Variants in MEI4 observed in about 807,000 individuals in gnomAD.
MEI4 encodes the protein meiotic double-stranded break formation protein 4.
A neutral mutation model predicts 31.4 loss-of-function variants in MEI4; 27 were observed. The observed-to-expected ratio is 0.86, with a 90% CI of 0.63 to 1.19. The LOEUF (loss-of-function observed/expected upper bound fraction) is 1.19, where lower values mean the gene tolerates loss of function less well. Ranked by LOEUF, MEI4 falls within the 50% of genes most tolerant of loss-of-function variation. The pLI is 0.00. For missense variants in MEI4, 329 were observed against 398.9 expected (o/e 0.82, Z 1.49); for synonymous variants, 122 against 145.4 (o/e 0.84, Z 1.16).
intron 2 of MEI4, among the ~76,000 whole-genome samples, chr6:77,717,080 T>C (rs570926277): frequency 2.9e-5 from 4 of 138,144 alleles, no homozygotes; most frequent in African/African-American, 8.1e-5. Context: ...GTTCAGCATA[T>C]GGAGGATCCC....
intron 4 of MEI4, among the ~76,000 whole-genome samples, chr6:77,858,497 G>GT (rs999190512): frequency 1.6e-4 from 24 of 151,932 alleles, no homozygotes; most frequent in African/African-American, 4.8e-4. Context: ...AGCAATTGGA[G>GT]TTTTTTTTCT....
intron 2 of MEI4, among the ~76,000 whole-genome samples, chr6:77,738,031 G>T (rs892458931): frequency 6.6e-6 from 1 of 152,194 alleles, no homozygotes; most frequent in Admixed American, 6.5e-5. Flanking sequence ...CTGCCTAAAA[G>T]AATTCTTTGA....
At chr6:77,831,061 A>C (rs1392780358) in intron 4 of MEI4, among the ~76,000 whole-genome samples, 2 of 151,990 alleles carry the variant, frequency 1.3e-5, no homozygotes. Flanking sequence ...AATACCAAGA[A>C]AACAAACAAT....
At chr6:77,665,866 G>T (rs1394906090) in intron 1 of MEI4, among the ~76,000 whole-genome samples, 1 of 152,208 alleles carries the variant, frequency 6.6e-6, no homozygotes, top group East Asian at 1.9e-4. Context: ...TTTAAAATTG[G>T]TGAGATGTTC....
At chr6:77,834,372 A>T (rs1048122732) in intron 4 of MEI4, among the ~76,000 whole-genome samples, 1 of 147,916 alleles carries the variant, frequency 6.8e-6, no homozygotes, top group African/African-American at 2.4e-5. Flanking sequence ...AGTTCATTTC[A>T]TATTATATAT....
chr6:77,883,175 C>CT (rs1339481162), intron 4 of MEI4, among the ~76,000 whole-genome samples: 1 of 151,736 alleles, frequency 6.6e-6, no homozygotes, highest in African/African-American at 2.4e-5. Context: ...TTAGTAGTGT[C>CT]TTTTTTAATG....
intron 2 of MEI4, among the ~76,000 whole-genome samples, chr6:77,726,478 A>G (rs1200824374): frequency 1.3e-5 from 2 of 152,194 alleles, no homozygotes; most frequent in African/African-American, 4.8e-5. Context: ...AAGAGACAGC[A>G]TGTGAACAAG....
chr6:77,850,190 C>T (rs561226044), intron 4 of MEI4, among the ~76,000 whole-genome samples: 30 of 152,194 alleles, frequency 2.0e-4, no homozygotes, highest in Admixed American at 5.2e-4. Flanking sequence ...AGTTGAATAT[C>T]GTGAAAATGG....
intron 3 of MEI4, among the ~76,000 whole-genome samples, chr6:77,775,044 C>T (rs892799625): frequency 2.0e-5 from 3 of 152,100 alleles, no homozygotes; most frequent in Admixed American, 6.6e-5. Flanking sequence ...TCCATCTTCA[C>T]ATAATCTCCA....
intron 4 of MEI4, among the ~76,000 whole-genome samples, chr6:77,863,466 T>TG (rs200781287): frequency 0.01 from 1,567 of 152,020 alleles, 26 homozygotes; most frequent in African/African-American, 0.035. Flanking sequence ...CTCGATCAAC[T>TG]GGAAGAAAGG....
At chr6:77,805,198 T>C (rs1769397079) in intron 3 of MEI4, among the ~76,000 whole-genome samples, 3 of 152,108 alleles carry the variant, frequency 2.0e-5, no homozygotes, top group Admixed American at 2.0e-4. Context: ...CAAATAAGAA[T>C]TCCTTCCCAC....
intron 1 of MEI4, among the ~76,000 whole-genome samples, chr6:77,656,352 A>G (rs2127640735): frequency 6.6e-6 from 1 of 152,272 alleles, no homozygotes; most frequent in Admixed American, 6.5e-5. Context: ...TAAAAAAAAC[A>G]AAACAGGGCA....
chr6:77,676,185 C>A (rs559034514), intron 1 of MEI4, among the ~76,000 whole-genome samples: 1 of 152,176 alleles, frequency 6.6e-6, no homozygotes, highest in Admixed American at 6.5e-5. Flanking sequence ...TGGTTTATTT[C>A]TTGGTGCCTC....
chr6:77,678,099 T>C (rs1768878248), intron 1 of MEI4, among the ~76,000 whole-genome samples: 1 of 152,204 alleles, frequency 6.6e-6, no homozygotes, highest in Non-Finnish European at 1.5e-5. Context: ...AGGCTAGTTC[T>C]TATTGCTTGA....
intron 4 of MEI4, among the ~76,000 whole-genome samples, chr6:77,891,624 C>A (rs918170782): frequency 1.3e-5 from 2 of 151,646 alleles, no homozygotes; most frequent in Admixed American, 1.3e-4. Flanking sequence ...CATGAATTTC[C>A]TTTTTGTTGG....
intron 4 of MEI4, among the ~76,000 whole-genome samples, chr6:77,841,333 A>ATATATATATATATTTTTTTTTTTTTTT: frequency 7.2e-5 from 2 of 27,736 alleles, no homozygotes; most frequent in East Asian, 2.2e-3. Context: ...ATATATATAT[A>ATATATATATATATTTTTTTTTTTTTTT]TTTTTTTTTT....
chr6:77,698,367 G>A (rs991036191), intron 2 of MEI4, among the ~76,000 whole-genome samples: 1 of 152,136 alleles, frequency 6.6e-6, no homozygotes, highest in African/African-American at 2.4e-5. Context: ...TAGCCTGGAT[G>A]GTCTTTACAT....
At chr6:77,745,410 A>G (rs550134308) in intron 2 of MEI4, among the ~76,000 whole-genome samples, 1,793 of 152,238 alleles carry the variant, frequency 0.012, 13 homozygotes, top group Non-Finnish European at 0.018. Context: ...AATTCAACAA[A>G]AAGAGCTAAC....
chr6:77,894,399 AAAAG>A (rs969644307), intron 4 of MEI4, among the ~76,000 whole-genome samples: 49 of 151,554 alleles, frequency 3.2e-4, no homozygotes, highest in African/African-American at 7.1e-4. Flanking sequence ...TTTTTTAAAA[AAAAG>A]AAAGAAACGT....
Sources: gnomAD v4.1 joint callset for allele counts (sites outside exome capture counted in the v4.1 genomes callset) on GRCh38, gnomAD v4.1.1 for gene constraint, MANE v1.5 for transcripts, NCBI Gene and HGNC (gene_info 2026-07-23, HGNC 2026-07-21) for gene names.